The following NTRK2 variants were observed in gnomAD, a reference collection of about 807,000 sequenced individuals.
NTRK2 encodes the protein BDNF/NT-3 growth factors receptor.
A neutral mutation model predicts 94.5 loss-of-function variants in NTRK2; 13 were observed. The ratio of observed to expected loss-of-function variants is 0.14; its 90% CI spans 0.09 to 0.22. The LOEUF (loss-of-function observed/expected upper bound fraction) is 0.22. Among genes scored for constraint, NTRK2 ranks in the 10% least tolerant of loss-of-function variants. The pLI is 1.00. For synonymous variants in NTRK2, 372 were observed against 407.4 expected, an observed-to-expected ratio of 0.91 and a Z score of 1.05; for missense variants, 639 against 1,071.2, an observed-to-expected ratio of 0.60 and a Z score of 5.63.
chr9:84,881,539 C>G (rs934399741), intron 14 of NTRK2, among the ~76,000 whole-genome samples: 2 of 152,142 alleles, frequency 1.3e-5, no homozygotes, highest in Non-Finnish European at 2.9e-5. Context: ...GTGCCCAAGA[C>G]ATTGTAGGTT....
intron 14 of NTRK2, among the ~76,000 whole-genome samples, chr9:84,894,144 T>C (rs2076681893): frequency 3.9e-5 from 1 of 25,556 alleles, no homozygotes; most frequent in African/African-American, 2.4e-4. Context: ...TGGGGGTGTT[T>C]GGGTGTTACT....
intron 9 of NTRK2, among the ~76,000 whole-genome samples, chr9:84,738,932 C>T (rs967035106): frequency 6.6e-6 from 1 of 152,162 alleles, no homozygotes; most frequent in African/African-American, 2.4e-5. Flanking sequence ...GTGCTTTTCA[C>T]AAAGTTTAGA....
chr9:84,871,703 T>C (rs1564413346), intron 14 of NTRK2: 7 of 1,098,974 alleles, frequency 6.4e-6, no homozygotes, highest in Non-Finnish European at 9.9e-6. Flanking sequence ...AGTCCAGAGA[T>C]GGTTTGCAGG....
At chr9:84,957,217 T>A (rs949483660) in intron 17 of NTRK2, among the ~76,000 whole-genome samples, 26 of 152,190 alleles carry the variant, frequency 1.7e-4, no homozygotes, top group African/African-American at 6.3e-4. Flanking sequence ...CTCTCTGCAG[T>A]ATTAGTAAAG....
chr9:84,851,134 C>A (rs1272545538), intron 12 of NTRK2, among the ~76,000 whole-genome samples: 2 of 152,162 alleles, frequency 1.3e-5, no homozygotes, highest in African/African-American at 4.8e-5. Flanking sequence ...TCCACCCACC[C>A]CACCATTGTG....
intron 12 of NTRK2, among the ~76,000 whole-genome samples, chr9:84,787,511 C>T (rs1211237974): frequency 1.3e-5 from 2 of 152,026 alleles, no homozygotes; most frequent in East Asian, 3.9e-4. Flanking sequence ...ATTCAGGGTA[C>T]CAGGTCATGG....
chr9:84,813,933 A>G, intron 12 of NTRK2: 1 of 1,065,586 alleles, frequency 9.4e-7, no homozygotes, highest in Non-Finnish European at 1.1e-6. Context: ...GCTGAGCTAG[A>G]CTAAGGAATG....
At chr9:84,805,811 G>A (rs1354512624) in intron 12 of NTRK2, among the ~76,000 whole-genome samples, 1 of 152,182 alleles carries the variant, frequency 6.6e-6, no homozygotes, top group Non-Finnish European at 1.5e-5. Context: ...GGGACTGGTG[G>A]CTTTATACAA....
chr9:84,964,545 A>T (rs181901113), intron 17 of NTRK2, among the ~76,000 whole-genome samples: 1 of 152,314 alleles, frequency 6.6e-6, no homozygotes, highest in Non-Finnish European at 1.5e-5. Flanking sequence ...GCAGATCTTC[A>T]GAGTTCTTTC....
intron 12 of NTRK2, among the ~76,000 whole-genome samples, chr9:84,827,599 C>T (rs116507325): frequency 6.6e-6 from 1 of 152,208 alleles, no homozygotes; most frequent in Non-Finnish European, 1.5e-5. Flanking sequence ...TGTCTTTTGA[C>T]TCAATTGGGC....
Position 84,702,538 on chromosome 9 carries a change from G to A in NTRK2, c.359+119G>A. ...CCCTTTTTAAAGTTAGTATAGCTGT[G>A]ATAATAGCTTAGAAACATTAGCTCT... On this transcript the variant is annotated intron_variant, in intron 4 of 18. Transcript: ENST00000277120. The A allele has an allele frequency of 6.9e-6, 6 of 865,236 alleles. No individual in the cohort carries two copies. In the South Asian group the frequency reaches 8.1e-5, roughly 12 times the overall value. The allele number at this position is 865,236 out of a possible 1,614,324, so 53.6% of individuals were successfully genotyped here. A position where few individuals can be genotyped will look rare whatever the true frequency, so the allele number is the denominator to read the frequency against.
chr9:84,981,630 A>G (rs570746657), intron 17 of NTRK2, among the ~76,000 whole-genome samples: 7 of 152,248 alleles, frequency 4.6e-5, no homozygotes, highest in African/African-American at 1.7e-4. Context: ...TGTCTTCTTA[A>G]ATCAGTTGAA....
chr9:84,818,006 C>A (rs2072534471), intron 12 of NTRK2, among the ~76,000 whole-genome samples: 1 of 152,176 alleles, frequency 6.6e-6, no homozygotes, highest in African/African-American at 2.4e-5. Context: ...TACCACCTTT[C>A]CTAATACATC....
chr9:84,773,175 T>G (rs1215015125), intron 12 of NTRK2, among the ~76,000 whole-genome samples: 1 of 152,228 alleles, frequency 6.6e-6, no homozygotes, highest in Non-Finnish European at 1.5e-5. Flanking sequence ...GCCTTCACAT[T>G]GTTTTAATGG....
chr9:84,831,957 T>G (rs999587225), intron 12 of NTRK2, among the ~76,000 whole-genome samples: 1 of 152,254 alleles, frequency 6.6e-6, no homozygotes, highest in African/African-American at 2.4e-5. Flanking sequence ...GAAATAAAAT[T>G]TGTAAATTAT....
intron 2 of NTRK2, among the ~76,000 whole-genome samples, chr9:84,686,594 G>C (rs1459695507): frequency 6.6e-6 from 1 of 152,186 alleles, no homozygotes; most frequent in Non-Finnish European, 1.5e-5. Flanking sequence ...GGATGATAGA[G>C]GCTGTTCATT....
chr9:84,983,128 A>T (rs1827861439), intron 17 of NTRK2, among the ~76,000 whole-genome samples: 2 of 152,170 alleles, frequency 1.3e-5, no homozygotes, highest in African/African-American at 4.8e-5. Context: ...CCTCGGTTCT[A>T]GTCTTAAAAA....
chr9:84,727,006 G>A (rs2062511269), intron 8 of NTRK2, among the ~76,000 whole-genome samples: 1 of 151,980 alleles, frequency 6.6e-6, no homozygotes, highest in Non-Finnish European at 1.5e-5. Flanking sequence ...TCTAAACATT[G>A]GCATCTAGGA....
At chr9:84,675,710 T>C (rs1042454357) in intron 2 of NTRK2, among the ~76,000 whole-genome samples, 8 of 152,312 alleles carry the variant, frequency 5.3e-5, no homozygotes, top group South Asian at 4.1e-4. Context: ...TCTTGGATTA[T>C]TTATGGTTGA....
Sources: allele counts gnomAD v4.1 joint callset (sites outside exome capture counted in the v4.1 genomes callset), GRCh38; gene constraint gnomAD v4.1.1; transcripts MANE v1.5; gene names NCBI Gene and HGNC (gene_info 2026-07-23, HGNC 2026-07-21).